The following ZNF804A variants were observed in gnomAD, a reference collection of about 807,000 sequenced individuals.
ZNF804A encodes zinc finger protein 804A.
ZNF804A carries 2 observed loss-of-function variants against 16.5 expected under a neutral mutation model. That is an observed-to-expected ratio of 0.12 (90% CI 0.05 to 0.38). The LOEUF is 0.38. ZNF804A is among the 10% of genes least tolerant of loss of function. The pLI is 0.99. For missense variants in ZNF804A, 1,473 were observed against 1,390.7 expected, an observed-to-expected ratio of 1.06 and a Z score of -0.94; for synonymous variants, 534 against 489.6, an observed-to-expected ratio of 1.09 and a Z score of -1.20.
At chr2:184,809,773 T>C (rs993683498) in intron 1 of ZNF804A, among the ~76,000 whole-genome samples, 1 of 152,070 alleles carries the variant, frequency 6.6e-6, no homozygotes, top group African/African-American at 2.4e-5. Context: ...TGTGTATATA[T>C]GTTTATATAT....
intron 1 of ZNF804A, among the ~76,000 whole-genome samples, chr2:184,716,992 G>A (rs1410743657): frequency 1.3e-5 from 2 of 151,970 alleles, no homozygotes; most frequent in African/African-American, 2.4e-5. Context: ...GAGCCTAGGT[G>A]GAAACCCTGT....
intron 1 of ZNF804A, among the ~76,000 whole-genome samples, chr2:184,637,332 T>G (rs1281397008): frequency 3.3e-5 from 5 of 152,162 alleles, no homozygotes; most frequent in Admixed American, 2.6e-4. Context: ...GAGCATTATT[T>G]TAAAAATGCA....
chr2:184,667,934 C>G (rs954737361), intron 1 of ZNF804A, among the ~76,000 whole-genome samples: 2 of 151,638 alleles, frequency 1.3e-5, no homozygotes, highest in African/African-American at 2.4e-5. Context: ...AATGAAAAAT[C>G]AAGCATTCTT....
chr2:184,857,083 C>CT lies in ZNF804A; in HGVS notation c.112-9278dup, dbSNP rs371324581. 4.2e-4 allele frequency among the ~76,000 whole-genome samples: 63 copies of CT among 151,746 alleles called. No homozygotes were observed. In the Middle Eastern group the frequency reaches 0.01, roughly 25 times the overall value. On this transcript the variant is annotated intron_variant, in intron 1 of 3. Transcript: ENST00000302277. ...ATTATGTTGTTTATTTGACATCTTT[C>CT]TTTTTTTTGATGTAGGCATTTATTG...
chr2:184,688,080 C>T (rs1246744106), intron 1 of ZNF804A, among the ~76,000 whole-genome samples: 1 of 152,152 alleles, frequency 6.6e-6, no homozygotes, highest in Admixed American at 6.5e-5. Flanking sequence ...AATCGTACCA[C>T]TGCACTGCAG....
chr2:184,720,052 T>C (rs1159689511), intron 1 of ZNF804A, among the ~76,000 whole-genome samples: 1 of 152,202 alleles, frequency 6.6e-6, no homozygotes, highest in Non-Finnish European at 1.5e-5. Flanking sequence ...TGGGGAGGCC[T>C]CATAATCATG....
intron 1 of ZNF804A, among the ~76,000 whole-genome samples, chr2:184,740,744 T>C (rs72901849): frequency 0.052 from 7,872 of 152,224 alleles, 261 homozygotes; most frequent in Middle Eastern, 0.078. Flanking sequence ...ATTTTTAATA[T>C]GTTGAAAGTC....
At chr2:184,748,548 T>C (rs1361516453) in intron 1 of ZNF804A, among the ~76,000 whole-genome samples, 1 of 151,508 alleles carries the variant, frequency 6.6e-6, no homozygotes, top group Non-Finnish European at 1.5e-5. Context: ...GTTGCATAGC[T>C]TGTCAATATT....
At chr2:184,808,907 A>G (rs968154786) in intron 1 of ZNF804A, among the ~76,000 whole-genome samples, 2 of 151,720 alleles carry the variant, frequency 1.3e-5, no homozygotes, top group African/African-American at 4.8e-5. Context: ...ATCTTTCTGC[A>G]AAAAAACAAA....
At chr2:184,797,693 G>A (rs142641509) in intron 1 of ZNF804A, among the ~76,000 whole-genome samples, 54 of 152,028 alleles carry the variant, frequency 3.6e-4, no homozygotes, top group African/African-American at 1.3e-3. Context: ...TACAATGTTA[G>A]TATTGAGATG....
At chr2:184,868,803 T>C (rs960157069) in intron 2 of ZNF804A, among the ~76,000 whole-genome samples, 1 of 151,942 alleles carries the variant, frequency 6.6e-6, no homozygotes, top group Non-Finnish European at 1.5e-5. Context: ...TAAACATACT[T>C]AAGACAAAGC....
chr2:184,932,872 CTTT>C (rs1402785317), intron 2 of ZNF804A, among the ~76,000 whole-genome samples: 8 of 152,064 alleles, frequency 5.3e-5, no homozygotes, highest in Non-Finnish European at 1.2e-4. Context: ...AAATGAACTT[CTTT>C]AACACAGATG....
intron 2 of ZNF804A, among the ~76,000 whole-genome samples, chr2:184,930,354 G>A (rs1487724259): frequency 1.3e-5 from 2 of 151,970 alleles, no homozygotes; most frequent in Non-Finnish European, 2.9e-5. Context: ...TTGCTTTCTG[G>A]GAAATATCTA....
chr2:184,674,149 C>G (rs1692383816), intron 1 of ZNF804A, among the ~76,000 whole-genome samples: 1 of 151,932 alleles, frequency 6.6e-6, no homozygotes, highest in African/African-American at 2.4e-5. Flanking sequence ...ACTTTGGTGT[C>G]TGTTCCTCAT....
intron 1 of ZNF804A, among the ~76,000 whole-genome samples, chr2:184,860,072 G>T (rs1358160140): frequency 6.6e-6 from 1 of 152,214 alleles, no homozygotes; most frequent in Non-Finnish European, 1.5e-5. Flanking sequence ...GTCTACAGGG[G>T]TGTTCTTGGG....
chr2:184,848,843 A>G (rs1241200419), intron 1 of ZNF804A, among the ~76,000 whole-genome samples: 1 of 152,088 alleles, frequency 6.6e-6, no homozygotes, highest in East Asian at 1.9e-4. Context: ...CTTAAATTCT[A>G]GAAAACATAG....
intron 1 of ZNF804A, among the ~76,000 whole-genome samples, chr2:184,810,235 A>G (rs1400848000): frequency 6.6e-6 from 1 of 152,138 alleles, no homozygotes; most frequent in Non-Finnish European, 1.5e-5. Context: ...AGACTAAAAT[A>G]TTTGCAATTT....
chr2:184,667,201 G>C (rs1692267913), intron 1 of ZNF804A, among the ~76,000 whole-genome samples: 1 of 151,704 alleles, frequency 6.6e-6, no homozygotes, highest in Non-Finnish European at 1.5e-5. Context: ...TACTGTTTTT[G>C]CTTAAATTAT....
Position 184,668,408 on chromosome 2 carries a change from C to A in ZNF804A, c.111+69338C>A, listed in dbSNP as rs185059652. Among the ~76,000 whole-genome samples, 27 of 151,932 alleles carry A rather than the reference C, an allele frequency of 1.8e-4. 1 individual carries two copies. The East Asian group carries it at 4.1e-3, about 23-fold the overall frequency. On this transcript the variant is annotated intron_variant, in intron 1 of 3. Transcript: ENST00000302277. Reference sequence around the variant, plus strand: ...ATTACAAATAAAATATAATAACCTGCTAATTTTTTGACAATTGAATTTAAA... The same window carrying A: ...ATTACAAATAAAATATAATAACCTGATAATTTTTTGACAATTGAATTTAAA...
Sources: allele counts gnomAD v4.1 joint callset (sites outside exome capture counted in the v4.1 genomes callset), GRCh38; gene constraint gnomAD v4.1.1; transcripts MANE v1.5; gene names NCBI Gene and HGNC (gene_info 2026-07-23, HGNC 2026-07-21).